The following RERE variants were observed in gnomAD, a reference collection of about 807,000 sequenced individuals.
RERE encodes arginine-glutamic acid dipeptide repeats protein.
RERE carries 40 observed loss-of-function variants against 146.1 expected under a neutral mutation model. The ratio of observed to expected loss-of-function variants is 0.27; its 90% confidence interval spans 0.21 to 0.36. The LOEUF (loss-of-function observed/expected upper bound fraction) is 0.36, where lower values mean the gene tolerates loss of function less well. Ranked by LOEUF, RERE falls within the 10% of genes least tolerant of loss-of-function variation. RERE has a pLI of 1.00. For synonymous variants in RERE, 1,003 were observed against 866.0 expected (o/e 1.16, Z -2.78); for missense variants, 1,933 against 2,138.7 (o/e 0.90, Z 1.90).
intron 2 of RERE, among the ~76,000 whole-genome samples, chr1:8,652,219 A>G (rs951680437): frequency 6.6e-6 from 1 of 152,170 alleles, no homozygotes; most frequent in Non-Finnish European, 1.5e-5. Context: ...GGTGCCTCAC[A>G]TGGAGCTGTC....
intron 1 of RERE, among the ~76,000 whole-genome samples, chr1:8,668,791 C>T (rs2124366451): frequency 6.6e-6 from 1 of 152,164 alleles, no homozygotes; most frequent in East Asian, 1.9e-4. Context: ...TTACTTGTTG[C>T]CTAGGGTTGC....
At chr1:8,541,148 TACAC>T in intron 7 of RERE, 62 bp downstream of exon 7, 1 of 803,304 alleles carries the variant, frequency 1.2e-6, no homozygotes, top group Non-Finnish European at 2.0e-6. Flanking sequence ...CACACACACA[TACAC>T]ACACACACAA....
At chr1:8,677,419 C>A (rs1353886216) in intron 1 of RERE, among the ~76,000 whole-genome samples, 1 of 107,858 alleles carries the variant, frequency 9.3e-6, no homozygotes, top group Non-Finnish European at 1.8e-5. Flanking sequence ...GAGTGAGTCT[C>A]CGTCTCAAAA....
At chr1:8,602,390 CAA>C (rs34191037) in intron 4 of RERE, among the ~76,000 whole-genome samples, 133 of 138,502 alleles carry the variant, frequency 9.6e-4, no homozygotes, top group Admixed American at 1.6e-3. Context: ...GACTCCATCT[CAA>C]AAAAAAAAAA....
intron 7 of RERE, among the ~76,000 whole-genome samples, chr1:8,536,445 G>C (rs1361379953): frequency 6.6e-6 from 1 of 152,198 alleles, no homozygotes; most frequent in Admixed American, 6.5e-5. Context: ...ACAGTAAAGA[G>C]AGGCATATAA....
intron 1 of RERE, among the ~76,000 whole-genome samples, chr1:8,790,513 T>C (rs1641344886): frequency 6.6e-6 from 1 of 152,236 alleles, no homozygotes; most frequent in African/African-American, 2.4e-5. Context: ...ATTTATAAGA[T>C]GCTAATGAAT....
At position 8,356,209 on chromosome 1, in the gene RERE, CAG is replaced by C; in HGVS notation, c.4375_4376del (p.Leu1459AspfsTer43). The C allele has an allele frequency of 1.3e-6, 2 of 1,523,776 alleles. No homozygotes were observed. The highest frequency in any genetic ancestry group is 1.7e-6 in the Non-Finnish European group (2 of 1,147,042). 94.4% of individuals were successfully genotyped at this position (1,523,776 alleles called of 1,614,324 possible). ...AGPVHPLVDP[L>X]TAGPHLARFP... is the part of the protein sequence containing the mutation. ...AGCGAGCCAGGTGGGGACCGGCAGT[CAG>C]GGGGTCGACCAGCGGGTGAACGGGG... On this transcript the variant is annotated frameshift_variant, in exon 21 of 23. Transcript: ENST00000400908. LOFTEE classifies it high-confidence loss of function. This position sits in a 1 kb window ranked among gnomAD's most constrained non-coding sequence, Gnocchi z 5.2.
At chr1:8,772,922 A>G (rs956853646) in intron 1 of RERE, among the ~76,000 whole-genome samples, 2 of 152,188 alleles carry the variant, frequency 1.3e-5, no homozygotes, top group Non-Finnish European at 2.9e-5. Flanking sequence ...AACCCCATCT[A>G]CTAAAAGTAC....
intron 1 of RERE, among the ~76,000 whole-genome samples, chr1:8,767,637 G>A (rs899379651): frequency 2.0e-5 from 3 of 149,980 alleles, no homozygotes; most frequent in Non-Finnish European, 4.4e-5. Flanking sequence ...AAAAAATGCT[G>A]CTTATCAAAA....
chr1:8,371,119 C>A (rs1036816099), intron 12 of RERE, among the ~76,000 whole-genome samples: 1 of 152,164 alleles, frequency 6.6e-6, no homozygotes, highest in African/African-American at 2.4e-5. Flanking sequence ...AGGAAGAGGG[C>A]GAAGTCATCT....
At chr1:8,785,186 G>GC (rs1641237659) in intron 1 of RERE, among the ~76,000 whole-genome samples, 1 of 152,130 alleles carries the variant, frequency 6.6e-6, no homozygotes, top group African/African-American at 2.4e-5. Flanking sequence ...TCATTTACAT[G>GC]CCCCCTCAGT....
chr1:8,584,745 G>C (rs1646406400), intron 4 of RERE, among the ~76,000 whole-genome samples: 1 of 152,176 alleles, frequency 6.6e-6, no homozygotes, highest in Admixed American at 6.5e-5. Context: ...GGAGAAAAGG[G>C]AGAGTGCAAA....
At chr1:8,606,896 A>C (rs1280492440) in intron 4 of RERE, among the ~76,000 whole-genome samples, 1 of 152,222 alleles carries the variant, frequency 6.6e-6, no homozygotes, top group African/African-American at 2.4e-5. Flanking sequence ...GAGATCAAAG[A>C]TAAGAACTGA....
intron 2 of RERE, among the ~76,000 whole-genome samples, chr1:8,644,978 G>A (rs1463053): frequency 0.59 from 90,029 of 151,920 alleles, 27,278 homozygotes; most frequent in East Asian, 0.83. Flanking sequence ...GCAAATGTCC[G>A]TTCATTCTTG....
At chr1:8,795,329 CT>C (rs1308816867) in intron 1 of RERE, among the ~76,000 whole-genome samples, 4 of 148,096 alleles carry the variant, frequency 2.7e-5, no homozygotes, top group South Asian at 2.2e-4. Context: ...CGGCCCCCCA[CT>C]TTTTTTTTTC....
chr1:8,789,301 A>AAAAAAAAAAAAATATATAT, intron 1 of RERE, among the ~76,000 whole-genome samples: 6 of 24,770 alleles, frequency 2.4e-4, no homozygotes, highest in African/African-American at 6.9e-4. Context: ...AAAAAAAAAA[A>AAAAAAAAAAAAATATATAT]ATATATATAT....
intron 11 of RERE, among the ~76,000 whole-genome samples, chr1:8,461,139 G>A (rs987170259): frequency 2.2e-4 from 34 of 151,962 alleles, no homozygotes; most frequent in African/African-American, 8.2e-4. Flanking sequence ...TCAGCCTGGG[G>A]CCTTTATGTT....
At chr1:8,560,359 G>A (rs1440576168) in intron 4 of RERE, among the ~76,000 whole-genome samples, 1 of 152,178 alleles carries the variant, frequency 6.6e-6, no homozygotes, top group Non-Finnish European at 1.5e-5. Flanking sequence ...CCCCTGTGGG[G>A]ACAAAATTGT....
chr1:8,570,297 A>ACT (rs956078446), intron 4 of RERE, among the ~76,000 whole-genome samples: 5 of 152,128 alleles, frequency 3.3e-5, no homozygotes, highest in African/African-American at 1.2e-4. Flanking sequence ...GCGCCACTGC[A>ACT]CTCCAGCCTG....
Sources: allele counts gnomAD v4.1 joint callset (sites outside exome capture counted in the v4.1 genomes callset), GRCh38; gene constraint gnomAD v4.1.1; non-coding constraint Gnocchi (gnomAD v3.1); transcripts MANE v1.5; gene names NCBI Gene and HGNC (gene_info 2026-07-23, HGNC 2026-07-21).